The following PDK1 variants were observed in gnomAD, a reference collection of about 807,000 sequenced individuals.
PDK1 encodes pyruvate dehydrogenase kinase 1.
In PDK1, 39 loss-of-function variants were observed where a neutral mutation model predicts 54.2. The observed-to-expected ratio is 0.72, with a 90% CI of 0.56 to 0.94. The LOEUF (loss-of-function observed/expected upper bound fraction) is 0.94, where lower values mean the gene tolerates loss of function less well. PDK1 is among the 40% of genes least tolerant of loss of function. The probability of loss-of-function intolerance (pLI) is 0.00; values close to 1 mark genes in which losing one functional copy is unlikely to be tolerated. For missense variants in PDK1, 552 were observed against 566.0 expected, an observed-to-expected ratio of 0.98 and a Z score of 0.25; for synonymous variants, 221 against 207.1, an observed-to-expected ratio of 1.07 and a Z score of -0.58.
At chr2:172,690,220 C>T in the PDK1 span, among the ~76,000 whole-genome samples, 1 of 150,462 alleles carries the variant, frequency 6.6e-6, no homozygotes, top group Non-Finnish European at 1.5e-5. Context: ...CAAAAGAAGA[C>T]ATCTATGCAG....
intron 7 of PDK1, among the ~76,000 whole-genome samples, chr2:172,569,956 C>G (rs183833933): frequency 6.6e-5 from 10 of 152,158 alleles, no homozygotes; most frequent in Admixed American, 6.5e-4. Context: ...TTGAGGCACT[C>G]CGTATTATAT....
chr2:172,583,280 G>GT (rs1401815533), intron 8 of PDK1, among the ~76,000 whole-genome samples: 14 of 93,898 alleles, frequency 1.5e-4, no homozygotes, highest in Non-Finnish European at 2.0e-4. Context: ...AAAGTTTTCT[G>GT]GTTTTTTTTT....
At chr2:172,687,512 T>C in the PDK1 span, among the ~76,000 whole-genome samples, 2 of 152,152 alleles carry the variant, frequency 1.3e-5, no homozygotes, top group East Asian at 3.9e-4. Flanking sequence ...GTTTCTGTAA[T>C]TGGTCTCAGG....
the PDK1 span, among the ~76,000 whole-genome samples, chr2:172,623,228 T>C: frequency 6.6e-6 from 1 of 152,070 alleles, no homozygotes; most frequent in Non-Finnish European, 1.5e-5. Context: ...ATAAGCTTAA[T>C]AGCAGTGTGA....
chr2:172,633,544 A>G, the PDK1 span, among the ~76,000 whole-genome samples: 1 of 147,052 alleles, frequency 6.8e-6, no homozygotes, highest in South Asian at 2.2e-4. Context: ...CATTTTTTGT[A>G]GATAAAGCCA....
At chr2:172,649,749 T>A in the PDK1 span, among the ~76,000 whole-genome samples, 1 of 152,006 alleles carries the variant, frequency 6.6e-6, no homozygotes, top group Non-Finnish European at 1.5e-5. Flanking sequence ...TGATTGAAGA[T>A]CAAATGAATG....
Position 172,601,200 on chromosome 2 carries a change from A to G in PDK1, c.*5231A>G, listed in dbSNP as rs929361280. The G allele has an allele frequency of 6.6e-6, 1 of 152,226 alleles. No individual in the cohort carries two copies. Among genetic ancestry groups the G allele is most frequent in the Non-Finnish European group, 1.5e-5 (1 of 68,046 alleles). The allele number at this position is 152,226 out of a possible 1,614,324, so 9.4% of individuals were successfully genotyped here. The stretch of plus-strand genomic sequence containing the variant: ...AAATGATACTTAAATGACTCAGTAC[A>G]ACAAAGAAACTGAGTAGTAACCAGT... On this transcript the variant is annotated 3_prime_UTR_variant, in exon 11 of 11. Transcript: ENST00000282077.
chr2:172,685,759 T>C, the PDK1 span, among the ~76,000 whole-genome samples: 3 of 152,320 alleles, frequency 2.0e-5, no homozygotes, highest in African/African-American at 7.2e-5. Flanking sequence ...CTAATGATCT[T>C]AGGTGACTTT....
chr2:172,660,247 CTT>C, the PDK1 span, among the ~76,000 whole-genome samples: 6 of 44,230 alleles, frequency 1.4e-4, no homozygotes, highest in East Asian at 1.1e-3. Flanking sequence ...CTCTCTCTCT[CTT>C]TTTTTTTTTT....
the PDK1 span, among the ~76,000 whole-genome samples, chr2:172,704,654 C>T: frequency 6.6e-6 from 1 of 152,142 alleles, no homozygotes; most frequent in South Asian, 2.1e-4. Flanking sequence ...TCACAAAAAC[C>T]CAGATGCTTA....
At chr2:172,564,855 A>G (rs1688849981) in intron 4 of PDK1, 123 bp from the exon 5 acceptor site, 1 of 872,004 alleles carries the variant, frequency 1.1e-6, no homozygotes, top group Non-Finnish European at 1.8e-6. Flanking sequence ...TGAATGTAAA[A>G]TACTATGTTT....
At chr2:172,632,042 G>A in the PDK1 span, among the ~76,000 whole-genome samples, 1 of 152,014 alleles carries the variant, frequency 6.6e-6, no homozygotes, top group Admixed American at 6.6e-5. Flanking sequence ...TTGGGAGGCC[G>A]AGGCAGGTGG....
At chr2:172,704,136 A>T in the PDK1 span, among the ~76,000 whole-genome samples, 6 of 152,152 alleles carry the variant, frequency 3.9e-5, no homozygotes, top group African/African-American at 1.4e-4. Flanking sequence ...AATAGGGTTT[A>T]AGAGCATGTT....
chr2:172,711,333 C>T, the PDK1 span, among the ~76,000 whole-genome samples: 2 of 152,172 alleles, frequency 1.3e-5, no homozygotes, highest in South Asian at 2.1e-4. Context: ...CCACTCTGTC[C>T]CTACCTTCCA....
intron 9 of PDK1, among the ~76,000 whole-genome samples, chr2:172,590,942 C>T (rs543268828): frequency 1.3e-5 from 2 of 152,132 alleles, no homozygotes; most frequent in Non-Finnish European, 2.9e-5. Context: ...AACAGTATAC[C>T]CCAACTGTTG....
rs751800018 is a variant in PDK1 at position 172,561,021 on chromosome 2, AC to A, written c.339-1198del. ...TCGCAATTTAAAAAAGCAAAATATG[AC>A]TGCTATATATATGATAATCAGATGC... On this transcript the variant is annotated intron_variant, in intron 2 of 10. Transcript: ENST00000282077. Among the ~76,000 whole-genome samples the A allele has an allele frequency of 2.6e-5, 4 of 152,346 alleles. No homozygotes were observed. In the East Asian group the frequency reaches 5.8e-4, roughly 22 times the overall value.
intron 9 of PDK1, among the ~76,000 whole-genome samples, chr2:172,590,489 T>C (rs1349911378): frequency 6.6e-6 from 1 of 152,184 alleles, no homozygotes; most frequent in African/African-American, 2.4e-5. Flanking sequence ...ACCTTCGCAG[T>C]GAGTGTTACA....
the PDK1 span, among the ~76,000 whole-genome samples, chr2:172,713,804 G>A: frequency 6.6e-6 from 1 of 152,204 alleles, no homozygotes; most frequent in African/African-American, 2.4e-5. Context: ...AACTGGGAAG[G>A]GGGTGTGGAT....
chr2:172,556,467 C>G (rs1043252282), intron 1 of PDK1, 121 bp downstream of exon 1: 1 of 640,954 alleles, frequency 1.6e-6, no homozygotes, highest in Admixed American at 4.3e-5. Context: ...TCCTCCTCAG[C>G]GTTTCCGCCC....
Sources: gnomAD v4.1 joint callset for allele counts (sites outside exome capture counted in the v4.1 genomes callset) on GRCh38, gnomAD v4.1.1 for gene constraint, MANE v1.5 for transcripts, NCBI Gene and HGNC (gene_info 2026-07-23, HGNC 2026-07-21) for gene names.